The following NKAIN3 variants were observed in gnomAD, a reference collection of about 807,000 sequenced individuals.
NKAIN3 encodes the protein sodium/potassium transporting ATPase interacting 3, also known as sodium/potassium-transporting ATPase subunit beta-1-interacting protein 3.
NKAIN3 carries 25 observed loss-of-function variants against 30.2 expected under a neutral mutation model. The ratio of observed to expected loss-of-function variants is 0.83; its 90% CI spans 0.60 to 1.16. The LOEUF (loss-of-function observed/expected upper bound fraction) is 1.16, where lower values mean the gene tolerates loss of function less well. Among genes scored for constraint, NKAIN3 ranks in the 50% most tolerant of loss-of-function variants. The probability of loss-of-function intolerance (pLI) is 0.00; values close to 1 mark genes in which losing one functional copy is unlikely to be tolerated. For synonymous variants in NKAIN3, 91 were observed against 89.6 expected (o/e 1.02, Z -0.09); for missense variants, 225 against 254.1 (o/e 0.89, Z 0.78).
intron 1 of NKAIN3, among the ~76,000 whole-genome samples, chr8:62,453,119 A>C (rs1405909345): frequency 6.6e-6 from 1 of 150,860 alleles, no homozygotes. Flanking sequence ...CTTTAAAATA[A>C]GTTAAGCAAT....
At chr8:62,957,038 C>G (rs1277828585) in intron 6 of NKAIN3, among the ~76,000 whole-genome samples, 1 of 152,196 alleles carries the variant, frequency 6.6e-6, no homozygotes, top group South Asian at 2.1e-4. Flanking sequence ...ACTAAGCATA[C>G]TTTTACCATG....
chr8:62,837,221 A>T (rs1819390929), intron 4 of NKAIN3, among the ~76,000 whole-genome samples: 1 of 152,092 alleles, frequency 6.6e-6, no homozygotes, highest in Non-Finnish European at 1.5e-5. Flanking sequence ...AGATGTTTGA[A>T]GTTGATTGAT....
In NKAIN3 at chr8:62,258,784, A is replaced by C. The variant is rs369895502; in HGVS notation, c.54+9657A>C. ...GGATGCTTTGGGAAAAAGATGACTG[A>C]CAAGATGTTACTGAGCTAGAGAGAC... On this transcript the variant is annotated intron_variant, in intron 1 of 6. Coordinates refer to ENST00000623646, the MANE Select transcript of NKAIN3 (RefSeq NM_001304533.3). 2.0e-5 allele frequency among the ~76,000 whole-genome samples: 3 copies of C among 152,354 alleles called. No individual in the cohort carries two copies. In the South Asian group the frequency reaches 6.2e-4, roughly 32 times the overall value.
chr8:62,311,726 C>T (rs1221678898), intron 1 of NKAIN3, among the ~76,000 whole-genome samples: 2 of 150,472 alleles, frequency 1.3e-5, no homozygotes, highest in Admixed American at 6.6e-5. Flanking sequence ...ACGAAGACTG[C>T]GTGGGGTGCT....
At chr8:62,791,744 C>T (rs1352101849) in intron 4 of NKAIN3, among the ~76,000 whole-genome samples, 1 of 152,066 alleles carries the variant, frequency 6.6e-6, no homozygotes, top group Non-Finnish European at 1.5e-5. Flanking sequence ...TGATTGAAAA[C>T]TTCCCTGTGA....
At chr8:62,774,214 G>A (rs1028987450) in intron 4 of NKAIN3, among the ~76,000 whole-genome samples, 4 of 152,094 alleles carry the variant, frequency 2.6e-5, no homozygotes, top group African/African-American at 9.7e-5. Context: ...ATTGTTTGCT[G>A]TTGGCATATA....
chr8:62,352,703 C>T (rs1325114041), intron 1 of NKAIN3, among the ~76,000 whole-genome samples: 2 of 152,108 alleles, frequency 1.3e-5, no homozygotes, highest in African/African-American at 4.8e-5. Flanking sequence ...ATTGTTTGAA[C>T]CTTAACTGAA....
At chr8:62,416,556 T>C (rs938967246) in intron 1 of NKAIN3, among the ~76,000 whole-genome samples, 1 of 152,204 alleles carries the variant, frequency 6.6e-6, no homozygotes, top group Non-Finnish European at 1.5e-5. Flanking sequence ...TATACATATT[T>C]ATGGGGTACA....
In NKAIN3 at chr8:62,933,003, C is replaced by CACACACACACAG. The variant is rs1468104783; in HGVS notation, c.532+14501_532+14502insGACACACACACA. On this transcript the variant is annotated intron_variant, in intron 5 of 6. Coordinates refer to ENST00000623646, the MANE Select transcript of NKAIN3 (RefSeq NM_001304533.3). ...CCAAGCCTCACTCAATGAACACACA[C>CACACACACACAG]ACACACACACACACACACACACACA... is the stretch of plus-strand genomic sequence containing the variant. Among the ~76,000 whole-genome samples, 7 of 150,630 alleles carry CACACACACACAG rather than the reference C, an allele frequency of 4.6e-5. No individual in the cohort carries two copies. The South Asian group carries it at 6.4e-4, about 14-fold the overall frequency.
chr8:62,929,096 G>A (rs1318400157), intron 5 of NKAIN3, among the ~76,000 whole-genome samples: 1 of 152,180 alleles, frequency 6.6e-6, no homozygotes, highest in Non-Finnish European at 1.5e-5. Context: ...GACCATTCCT[G>A]GCAGAAGGAG....
intron 1 of NKAIN3, among the ~76,000 whole-genome samples, chr8:62,261,535 G>C (rs1490873005): frequency 6.6e-6 from 1 of 152,196 alleles, no homozygotes; most frequent in Non-Finnish European, 1.5e-5. Context: ...TCTTCCACCT[G>C]TTGGCATCAT....
intron 4 of NKAIN3, among the ~76,000 whole-genome samples, chr8:62,801,292 C>G (rs1167199278): frequency 6.6e-6 from 1 of 152,204 alleles, no homozygotes; most frequent in African/African-American, 2.4e-5. Flanking sequence ...AGCTGGAGAT[C>G]TGAGAACGGG....
At chr8:62,926,373 C>G (rs1463147444) in intron 5 of NKAIN3, among the ~76,000 whole-genome samples, 3 of 152,134 alleles carry the variant, frequency 2.0e-5, no homozygotes, top group East Asian at 1.9e-4. Context: ...CTCTGCCAGC[C>G]CCCCTGTGGG....
intron 4 of NKAIN3, among the ~76,000 whole-genome samples, chr8:62,895,365 T>C (rs552601643): frequency 6.6e-6 from 1 of 152,330 alleles, no homozygotes; most frequent in South Asian, 2.1e-4. Flanking sequence ...CTCCTTGCTA[T>C]GCAAAGAGGA....
At chr8:62,467,846 G>A (rs910483311) in intron 1 of NKAIN3, among the ~76,000 whole-genome samples, 1 of 152,012 alleles carries the variant, frequency 6.6e-6, no homozygotes, top group Non-Finnish European at 1.5e-5. Flanking sequence ...TCTCACTGCA[G>A]CCTTGACCTT....
chr8:62,883,454 T>C (rs1404599083), intron 4 of NKAIN3, among the ~76,000 whole-genome samples: 1 of 129,652 alleles, frequency 7.7e-6, no homozygotes, highest in Non-Finnish European at 1.6e-5. Flanking sequence ...AGGAGTTTTA[T>C]GGGTTTTTTT....
At chr8:62,281,413 G>C (rs907604534) in intron 1 of NKAIN3, among the ~76,000 whole-genome samples, 1 of 151,924 alleles carries the variant, frequency 6.6e-6, no homozygotes, top group African/African-American at 2.4e-5. Flanking sequence ...CTTGACTTCT[G>C]CTAACTTTTG....
intron 4 of NKAIN3, among the ~76,000 whole-genome samples, chr8:62,861,814 A>T (rs1032129001): frequency 6.6e-6 from 1 of 152,178 alleles, no homozygotes; most frequent in African/African-American, 2.4e-5. Flanking sequence ...AAGGATGCAC[A>T]TCTGTGCAAA....
At chr8:62,679,655 C>A (rs1813591734) in intron 3 of NKAIN3, among the ~76,000 whole-genome samples, 1 of 152,144 alleles carries the variant, frequency 6.6e-6, no homozygotes, top group Non-Finnish European at 1.5e-5. Flanking sequence ...ACACATCTTA[C>A]ATGGCCAGAG....
Sources: gnomAD v4.1 joint callset for allele counts (sites outside exome capture counted in the v4.1 genomes callset) on GRCh38, gnomAD v4.1.1 for gene constraint, MANE v1.5 for transcripts, NCBI Gene and HGNC (gene_info 2026-07-23, HGNC 2026-07-21) for gene names.